RGS5: variants seen among roughly 807,000 people sequenced by gnomAD.
RGS5 encodes regulator of G-protein signalling 5.
RGS5 carries 20 observed loss-of-function variants against 18.9 expected under a neutral mutation model. The observed-to-expected ratio is 1.06, with a 90% CI of 0.74 to 1.54. RGS5 has a LOEUF of 1.54. Ranked by LOEUF, RGS5 falls within the 40% of genes most tolerant of loss-of-function variation. The pLI, the probability that RGS5 is intolerant of heterozygous loss-of-function variation, is 0.00. For missense variants in RGS5, 201 were observed against 211.8 expected (o/e 0.95, Z 0.32); for synonymous variants, 57 against 76.2 (o/e 0.75, Z 1.31).
chr1:163,311,056 G>A (rs546712202), intron 1 of RGS5, among the ~76,000 whole-genome samples: 98 of 152,174 alleles, frequency 6.4e-4, no homozygotes, highest in African/African-American at 2.3e-3. Flanking sequence ...TGATACATGG[G>A]GATTATGAGG....
At chr1:163,213,693 C>G (rs1381372945) in intron 1 of RGS5, among the ~76,000 whole-genome samples, 1 of 152,212 alleles carries the variant, frequency 6.6e-6, no homozygotes, top group Non-Finnish European at 1.5e-5. Context: ...TAACTTCTCC[C>G]TCCTGGTTTT....
chr1:163,215,468 C>A (rs1436184741), intron 1 of RGS5, among the ~76,000 whole-genome samples: 2 of 152,068 alleles, frequency 1.3e-5, no homozygotes, highest in African/African-American at 2.4e-5. Flanking sequence ...AGTAAACATG[C>A]AATACTAGTG....
At chr1:163,304,947 T>C (rs186508263) in intron 2 of RGS5, 3 of 152,364 alleles carry the variant, frequency 2.0e-5, no homozygotes, top group Admixed American at 2.0e-4. Context: ...TTGAACTACT[T>C]GGTTTCTTCT....
chr1:163,198,641 C>CT (rs1300088750), intron 1 of RGS5, among the ~76,000 whole-genome samples: 1 of 151,830 alleles, frequency 6.6e-6, no homozygotes, highest in African/African-American at 2.4e-5. Flanking sequence ...AAATAATCCT[C>CT]TTTTTTCAGA....
chr1:163,241,616 C>A (rs1647795360), intron 2 of RGS5, among the ~76,000 whole-genome samples: 1 of 151,960 alleles, frequency 6.6e-6, no homozygotes, highest in South Asian at 2.1e-4. Context: ...ATTTCCAAAC[C>A]AGCTTAATTC....
intron 3 of RGS5, among the ~76,000 whole-genome samples, chr1:163,160,945 G>C (rs1426653206): frequency 1.3e-5 from 2 of 152,122 alleles, no homozygotes; most frequent in Non-Finnish European, 2.9e-5. Context: ...GCCCGTTTGT[G>C]AGTTTATAAC....
intron 1 of RGS5, among the ~76,000 whole-genome samples, chr1:163,313,663 C>A (rs1210447555): frequency 5.3e-5 from 8 of 152,184 alleles, no homozygotes; most frequent in African/African-American, 1.9e-4. Context: ...ACCAACTAAA[C>A]CCTTCCCCAC....
At chr1:163,261,346 G>T (rs1326113492) in intron 2 of RGS5, among the ~76,000 whole-genome samples, 1 of 152,096 alleles carries the variant, frequency 6.6e-6, no homozygotes, top group Non-Finnish European at 1.5e-5. Context: ...AAAGACACAA[G>T]AATTCTTGTG....
At chr1:163,153,659 T>C (rs1002803317) in intron 3 of RGS5, among the ~76,000 whole-genome samples, 13 of 150,202 alleles carry the variant, frequency 8.7e-5, no homozygotes, top group African/African-American at 3.2e-4. Context: ...TTTTAGTCTA[T>C]ATAGATATAG....
intron 1 of RGS5, among the ~76,000 whole-genome samples, chr1:163,209,173 A>G (rs1464119776): frequency 6.6e-6 from 1 of 152,222 alleles, no homozygotes; most frequent in Non-Finnish European, 1.5e-5. Context: ...ACTTTCTATT[A>G]AATAACTGAG....
intron 1 of RGS5, among the ~76,000 whole-genome samples, chr1:163,194,706 T>C (rs1035211309): frequency 1.3e-5 from 2 of 149,928 alleles, no homozygotes; most frequent in Non-Finnish European, 2.9e-5. Context: ...CTGAGAGAGA[T>C]ATAAGATTAA....
intron 2 of RGS5, among the ~76,000 whole-genome samples, chr1:163,229,707 C>T (rs1647428590): frequency 6.6e-6 from 1 of 152,180 alleles, no homozygotes; most frequent in Admixed American, 6.5e-5. Flanking sequence ...TCTCTCTCAC[C>T]TCCTTCAGAC....
At chr1:163,185,523 G>C (rs1659033560) in intron 1 of RGS5, among the ~76,000 whole-genome samples, 1 of 152,084 alleles carries the variant, frequency 6.6e-6, no homozygotes, top group African/African-American at 2.4e-5. Flanking sequence ...GGTTATCTGT[G>C]ATCCTCCCTT....
At chr1:163,174,579 G>T (rs980435460) in intron 1 of RGS5, among the ~76,000 whole-genome samples, 3 of 152,190 alleles carry the variant, frequency 2.0e-5, no homozygotes, top group African/African-American at 7.2e-5. Context: ...GCACTATAAA[G>T]TAAGTGAATT....
intron 1 of RGS5, 126 bp from the exon 2 acceptor site, chr1:163,168,494 G>A: frequency 1.0e-5 from 7 of 688,370 alleles, no homozygotes; most frequent in Middle Eastern, 4.1e-4. Context: ...TTTTTCTTGT[G>A]GCAGAAAGAA....
intron 1 of RGS5, among the ~76,000 whole-genome samples, chr1:163,200,765 T>C (rs1264231468): frequency 6.6e-6 from 1 of 152,160 alleles, no homozygotes; most frequent in Non-Finnish European, 1.5e-5. Flanking sequence ...TCAGTCAACC[T>C]ATGGGGAAAA....
At chr1:163,227,799 G>A (rs1047802247) in intron 2 of RGS5, among the ~76,000 whole-genome samples, 3 of 152,176 alleles carry the variant, frequency 2.0e-5, no homozygotes, top group African/African-American at 4.8e-5. Flanking sequence ...TTGGGTAAAT[G>A]TTCCCACTCC....
chr1:163,219,809 T>G (rs1336532409), upstream of RGS5, among the ~76,000 whole-genome samples: 3 of 152,200 alleles, frequency 2.0e-5, no homozygotes, highest in African/African-American at 7.2e-5. Context: ...TATACCACAA[T>G]TTATTTTTCA....
chr1:163,178,682 A>G (rs1283434881), intron 1 of RGS5, among the ~76,000 whole-genome samples: 2 of 152,126 alleles, frequency 1.3e-5, no homozygotes, highest in East Asian at 3.8e-4. Context: ...AGCCATCTAT[A>G]AGCATGAAAG....
Sources: gnomAD v4.1 joint callset for allele counts (sites outside exome capture counted in the v4.1 genomes callset) on GRCh38, gnomAD v4.1.1 for gene constraint, MANE v1.5 for transcripts, NCBI Gene and HGNC (gene_info 2026-07-23, HGNC 2026-07-21) for gene names.